ELOVL7: variants seen among roughly 807,000 people sequenced by gnomAD.
ELOVL7 encodes the protein very long chain fatty acid elongase 7.
A neutral mutation model predicts 35.7 loss-of-function variants in ELOVL7; 27 were observed. The observed-to-expected ratio is 0.76, with a 90% confidence interval of 0.56 to 1.04. The LOEUF (loss-of-function observed/expected upper bound fraction) is 1.04, where lower values mean the gene tolerates loss of function less well. ELOVL7 is among the 50% of genes least tolerant of loss of function. The probability of loss-of-function intolerance (pLI) is 0.00; values close to 1 mark genes in which losing one functional copy is unlikely to be tolerated. For synonymous variants in ELOVL7, 113 were observed against 114.6 expected (o/e 0.99, Z 0.09); for missense variants, 327 against 340.8 (o/e 0.96, Z 0.32).
intron 6 of ELOVL7, among the ~76,000 whole-genome samples, chr5:60,765,816 TATC>T (rs1336341344): frequency 2.6e-5 from 4 of 152,174 alleles, no homozygotes; most frequent in African/African-American, 7.2e-5. Flanking sequence ...CTACAAGAAA[TATC>T]ATGGTATGCA....
intron 2 of ELOVL7, among the ~76,000 whole-genome samples, chr5:60,788,468 T>C (rs1441882312): frequency 6.6e-6 from 1 of 152,100 alleles, no homozygotes; most frequent in African/African-American, 2.4e-5. Context: ...ATAATAGGTA[T>C]ATTTTACCAT....
At chr5:60,778,778 C>T (rs566394896) in intron 3 of ELOVL7, among the ~76,000 whole-genome samples, 4 of 152,324 alleles carry the variant, frequency 2.6e-5, no homozygotes, top group African/African-American at 9.6e-5. Context: ...TCCGAACAAT[C>T]CCCAAAAGTC....
intron 1 of ELOVL7, among the ~76,000 whole-genome samples, chr5:60,801,211 A>G (rs531476571): frequency 1.3e-5 from 2 of 152,272 alleles, no homozygotes; most frequent in South Asian, 4.2e-4. Flanking sequence ...TATAGGCATG[A>G]GCCACTATGC....
Position 60,754,418 on chromosome 5 carries a change from C to T in ELOVL7, c.*206G>A, listed in dbSNP as rs1741408476. 6 of 537,158 alleles carry T rather than the reference C, an allele frequency of 1.1e-5. No individual in the cohort carries two copies. The highest frequency in any genetic ancestry group is 2.7e-5 in the South Asian group (1 of 36,832). 33.3% of individuals were successfully genotyped at this position (537,158 alleles called of 1,614,324 possible). Reference sequence around the variant, plus strand: ...AAAAAAACAAAAACAAAAACAAAAACAAATTCTGGCTGCTGTAGGCTCTAA... The same window carrying T: ...AAAAAAACAAAAACAAAAACAAAAATAAATTCTGGCTGCTGTAGGCTCTAA... On this transcript the variant is annotated 3_prime_UTR_variant, in exon 9 of 9. Transcript: ENST00000508821.
chr5:60,759,532 C>T (rs1330221654), intron 7 of ELOVL7, among the ~76,000 whole-genome samples: 3 of 151,698 alleles, frequency 2.0e-5, no homozygotes, highest in Non-Finnish European at 4.4e-5. Context: ...TCTATTTCAC[C>T]TTTGATATGG....
chr5:60,770,097 TTTA>T (rs1349904473), intron 4 of ELOVL7, among the ~76,000 whole-genome samples: 2 of 151,506 alleles, frequency 1.3e-5, no homozygotes, highest in Non-Finnish European at 2.9e-5. Context: ...AAAGTAATAA[TTTA>T]TATTTGGCAG....
chr5:60,808,021 A>AAG (rs1745041452), intron 1 of ELOVL7, among the ~76,000 whole-genome samples: 1 of 136,720 alleles, frequency 7.3e-6, no homozygotes. Context: ...AAAAAAAAAA[A>AAG]GAATAAAATG....
chr5:60,795,589 C>A (rs1229811321), intron 2 of ELOVL7, among the ~76,000 whole-genome samples: 5 of 152,172 alleles, frequency 3.3e-5, no homozygotes, highest in African/African-American at 1.2e-4. Flanking sequence ...CGTGTTTGTT[C>A]TGGCTCAAGC....
intron 2 of ELOVL7, among the ~76,000 whole-genome samples, chr5:60,797,078 T>C (rs2112271427): frequency 6.6e-6 from 1 of 152,324 alleles, no homozygotes; most frequent in South Asian, 2.1e-4. Context: ...CTGCTGGAAT[T>C]GTCACTTATT....
chr5:60,774,236 G>C (rs1484441370), intron 3 of ELOVL7, among the ~76,000 whole-genome samples: 1 of 152,106 alleles, frequency 6.6e-6, no homozygotes, highest in African/African-American at 2.4e-5. Context: ...CATGAACATA[G>C]ATGCAAAAAT....
At position 60,787,404 on chromosome 5, in the gene ELOVL7, C is replaced by T; in HGVS notation, c.-7G>A. ...TAAGATCACTGAAGGCCATTTTCCA[C>T]AGGATTTACTGGCTCTTTTAATGGG... On this transcript the variant is annotated 5_prime_UTR_variant, in exon 3 of 9. The change creates a new upstream start codon in the 5' untranslated region. Transcript: ENST00000508821. 1 of 1,594,662 alleles carries T rather than the reference C, an allele frequency of 6.3e-7. No homozygotes were observed. The highest frequency in any genetic ancestry group is 1.2e-5 in the South Asian group (1 of 86,796).
chr5:60,834,546 T>G (rs1035456438), intron 1 of ELOVL7, among the ~76,000 whole-genome samples: 1 of 152,202 alleles, frequency 6.6e-6, no homozygotes, highest in Non-Finnish European at 1.5e-5. Context: ...CTTACACCTG[T>G]AATCCCAGCT....
chr5:60,770,361 C>T (rs1338873133), intron 4 of ELOVL7, among the ~76,000 whole-genome samples: 1 of 152,076 alleles, frequency 6.6e-6, no homozygotes, highest in Non-Finnish European at 1.5e-5. Flanking sequence ...CTATTTGGTT[C>T]AATCCTATCT....
chr5:60,789,103 TAGA>T (rs200121059), intron 2 of ELOVL7, among the ~76,000 whole-genome samples: 2 of 152,176 alleles, frequency 1.3e-5, no homozygotes, highest in East Asian at 3.8e-4. Flanking sequence ...GATGACATAG[TAGA>T]AGACTTTTAT....
chr5:60,809,804 C>A (rs1333867325), intron 1 of ELOVL7, among the ~76,000 whole-genome samples: 1 of 152,146 alleles, frequency 6.6e-6, no homozygotes, highest in Non-Finnish European at 1.5e-5. Flanking sequence ...AACAGACTAA[C>A]AATCCTAATT....
At position 60,754,832 on chromosome 5, in the gene ELOVL7, A is replaced by C. The variant is rs1423569684; in HGVS notation, c.638T>G (p.Val213Gly). ...WKKYLTSLQLVQFVIVAIHIS... is the reference protein window; with the variant it reads ...WKKYLTSLQLGQFVIVAIHIS... ...GTGGATGGCGACAATAACAAACTGG[A>C]CCTAAGAAATGAAAACGTGAAAAAA... The change falls in exon 9 of 9, where the codon GTC becomes GGC. Residue 213 changes from valine (V) to glycine (G), a missense_variant and splice_region_variant. Physicochemically the swap from Val to Gly is moderately radical, Grantham distance 109. Coordinates refer to ENST00000508821, the MANE Select transcript of ELOVL7 (RefSeq NM_024930.3). The C allele has an allele frequency of 6.2e-7, 1 of 1,612,562 alleles. No homozygotes were observed. Among genetic ancestry groups the C allele is most frequent in the Non-Finnish European group, 8.5e-7 (1 of 1,179,470 alleles).
intron 1 of ELOVL7, among the ~76,000 whole-genome samples, chr5:60,815,013 A>T (rs1745441809): frequency 6.6e-6 from 1 of 152,236 alleles, no homozygotes; most frequent in Non-Finnish European, 1.5e-5. Context: ...GGACCCTAAC[A>T]AAGCATATGA....
intron 4 of ELOVL7, 36 bp downstream of exon 4, chr5:60,771,867 C>A: frequency 6.9e-7 from 1 of 1,457,594 alleles, no homozygotes. Flanking sequence ...AAAACTCAGG[C>A]AAAATTCTCC....
At chr5:60,761,575 A>G (rs1408369859) in intron 7 of ELOVL7, among the ~76,000 whole-genome samples, 4 of 152,140 alleles carry the variant, frequency 2.6e-5, no homozygotes, top group Admixed American at 2.6e-4. Flanking sequence ...CTTTTATCAG[A>G]CATATTTCTT....
Sources: gnomAD v4.1 joint callset for allele counts (sites outside exome capture counted in the v4.1 genomes callset) on GRCh38, gnomAD v4.1.1 for gene constraint, MANE v1.5 for transcripts, NCBI Gene and HGNC (gene_info 2026-07-23, HGNC 2026-07-21) for gene names.